The following TRHDE variants were observed in gnomAD, a reference collection of about 807,000 sequenced individuals.
TRHDE encodes the protein thyrotropin releasing hormone degrading enzyme, also known as thyrotropin-releasing hormone-degrading ectoenzyme.
TRHDE carries 72 observed loss-of-function variants against 125.7 expected under a neutral mutation model. The ratio of observed to expected loss-of-function variants is 0.57; its 90% confidence interval spans 0.47 to 0.70. The LOEUF is 0.70. TRHDE is among the 30% of genes least tolerant of loss of function. TRHDE has a pLI of 0.00. For missense variants in TRHDE, 1,110 were observed against 1,327.1 expected (o/e 0.84, Z 2.54); for synonymous variants, 509 against 509.1 (o/e 1.00, Z 0.00).
chr12:72,536,683 A>G (rs1444007356), intron 6 of TRHDE, among the ~76,000 whole-genome samples: 1 of 152,086 alleles, frequency 6.6e-6, no homozygotes, highest in Non-Finnish European at 1.5e-5. Context: ...ATCCACATAC[A>G]GTAATAAAAA....
At chr12:72,466,315 G>T (rs1157035766) in intron 3 of TRHDE, among the ~76,000 whole-genome samples, 2 of 152,094 alleles carry the variant, frequency 1.3e-5, no homozygotes, top group Non-Finnish European at 2.9e-5. Context: ...CCAATGTGTG[G>T]CTTGATATGC....
At chr12:72,600,497 T>TTG (rs1014318028) in intron 12 of TRHDE, among the ~76,000 whole-genome samples, 1 of 151,930 alleles carries the variant, frequency 6.6e-6, no homozygotes, top group African/African-American at 2.4e-5. Flanking sequence ...ATTTTAATTT[T>TTG]TGTGTGTGGC....
intron 18 of TRHDE, among the ~76,000 whole-genome samples, chr12:72,662,809 A>G (rs372855369): frequency 2.0e-5 from 3 of 151,648 alleles, no homozygotes; most frequent in African/African-American, 4.9e-5. Flanking sequence ...TTAAGTTGTA[A>G]TGTCCACTGT....
chr12:72,276,160 A>T (rs773162711), intron 1 of TRHDE, among the ~76,000 whole-genome samples: 1 of 152,176 alleles, frequency 6.6e-6, no homozygotes, highest in Non-Finnish European at 1.5e-5. Flanking sequence ...CCATATCAGC[A>T]TCTCAGCTAG....
At chr12:72,186,459 G>C (rs1369543337) in intron 2 of TRHDE, 1 of 162,920 alleles carries the variant, frequency 6.1e-6, no homozygotes, top group Non-Finnish European at 1.3e-5. Flanking sequence ...GAACCCACCA[G>C]AAGGAAGAAA....
intron 5 of TRHDE, among the ~76,000 whole-genome samples, chr12:72,475,018 G>A (rs144162131): frequency 2.5e-3 from 385 of 152,134 alleles, no homozygotes; most frequent in African/African-American, 8.5e-3. Flanking sequence ...TATGTGCCTA[G>A]GCATTTATAT....
At chr12:72,411,186 G>A (rs1254160422) in intron 3 of TRHDE, among the ~76,000 whole-genome samples, 1 of 141,420 alleles carries the variant, frequency 7.1e-6, no homozygotes, top group Non-Finnish European at 1.5e-5. Context: ...CTAGGCGACA[G>A]AGCGAGACTC....
intron 15 of TRHDE, among the ~76,000 whole-genome samples, chr12:72,640,267 C>T (rs989857273): frequency 1.3e-5 from 2 of 152,224 alleles, no homozygotes; most frequent in Non-Finnish European, 2.9e-5. Flanking sequence ...ACCCGATCTT[C>T]CAGGTGCCGT....
chr12:72,273,197 GC>G lies in TRHDE; in HGVS notation c.556del (p.Leu186CysfsTer5). 1 of 1,602,414 alleles carries G rather than the reference GC, an allele frequency of 6.2e-7. No individual in the cohort carries two copies. Among genetic ancestry groups the G allele is most frequent in the Non-Finnish European group, 8.5e-7 (1 of 1,171,742 alleles). On this transcript the variant is annotated frameshift_variant, in exon 1 of 19. Coordinates refer to ENST00000261180, the MANE Select transcript of TRHDE (RefSeq NM_013381.3). LOFTEE classifies it high-confidence loss of function. This position sits in a 1 kb window ranked among gnomAD's most constrained non-coding sequence, Gnocchi z 5.3. The stretch of plus-strand genomic sequence containing the variant: ...CCGTGGGAGCCGTGGACGCAGCTGC[GC>G]CTGTCGGGCCACCTGAAGCCGCTGC... ...REPWEPWTQL[R>X]LSGHLKPLHY...
intron 2 of TRHDE, among the ~76,000 whole-genome samples, chr12:72,289,161 G>A (rs1030236839): frequency 5.3e-5 from 8 of 152,244 alleles, no homozygotes; most frequent in African/African-American, 1.9e-4. Context: ...AATCTTGGAT[G>A]TGGGATGATC....
At chr12:72,492,385 A>G (rs180909095) in intron 5 of TRHDE, among the ~76,000 whole-genome samples, 2 of 152,060 alleles carry the variant, frequency 1.3e-5, no homozygotes, top group East Asian at 3.9e-4. Flanking sequence ...TTGGATGACA[A>G]TATAAAATTC....
intron 12 of TRHDE, among the ~76,000 whole-genome samples, chr12:72,576,415 A>G (rs1870996713): frequency 6.6e-6 from 1 of 152,088 alleles, no homozygotes; most frequent in Non-Finnish European, 1.5e-5. Context: ...CTGCTTTTAC[A>G]GTTTATGTAT....
At chr12:72,216,605 A>G (rs1877897141) in intron 2 of TRHDE, among the ~76,000 whole-genome samples, 1 of 152,160 alleles carries the variant, frequency 6.6e-6, no homozygotes, top group African/African-American at 2.4e-5. Flanking sequence ...CTTAAAGAGA[A>G]AAAAAATGCC....
chr12:72,488,287 A>G (rs771012703), intron 5 of TRHDE, among the ~76,000 whole-genome samples: 3 of 152,108 alleles, frequency 2.0e-5, no homozygotes, highest in Non-Finnish European at 2.9e-5. Flanking sequence ...AGCTTTAAGG[A>G]GACACACAGG....
intron 2 of TRHDE, among the ~76,000 whole-genome samples, chr12:72,375,682 C>T (rs1415870871): frequency 1.3e-5 from 2 of 151,838 alleles, no homozygotes; most frequent in Non-Finnish European, 2.9e-5. Flanking sequence ...TATATTTTAC[C>T]ATTCATATGG....
intron 3 of TRHDE, among the ~76,000 whole-genome samples, chr12:72,409,422 GCTT>G (rs1177811036): frequency 6.6e-6 from 1 of 152,070 alleles, no homozygotes; most frequent in Non-Finnish European, 1.5e-5. Context: ...AGTTTTTCTG[GCTT>G]CTTCTAATAG....
At chr12:72,439,131 C>G (rs1452586169) in intron 3 of TRHDE, among the ~76,000 whole-genome samples, 1 of 151,624 alleles carries the variant, frequency 6.6e-6, no homozygotes, top group Non-Finnish European at 1.5e-5. Flanking sequence ...TATTTCTGGG[C>G]TCTCTCTTCT....
intron 1 of TRHDE, among the ~76,000 whole-genome samples, chr12:72,275,348 G>C (rs1171302098): frequency 1.3e-5 from 2 of 152,150 alleles, no homozygotes; most frequent in South Asian, 2.1e-4. Flanking sequence ...TGCTTTAGTA[G>C]CTGTATGATA....
chr12:72,503,596 T>C (rs576326314), intron 6 of TRHDE, among the ~76,000 whole-genome samples: 1 of 152,334 alleles, frequency 6.6e-6, no homozygotes, highest in Non-Finnish European at 1.5e-5. Context: ...GTTGACTAAA[T>C]AATGGGTAAA....
Sources: gnomAD v4.1 joint callset for allele counts (sites outside exome capture counted in the v4.1 genomes callset) on GRCh38, gnomAD v4.1.1 for gene constraint, Gnocchi (gnomAD v3.1) non-coding constraint, MANE v1.5 for transcripts, NCBI Gene and HGNC (gene_info 2026-07-23, HGNC 2026-07-21) for gene names.